EXTL2: variants seen among roughly 807,000 people sequenced by gnomAD.
EXTL2 encodes the protein exostosin like glycosyltransferase 2, also known as exostosin-like 2.
A neutral mutation model predicts 30.7 loss-of-function variants in EXTL2; 23 were observed. The observed-to-expected ratio is 0.75, with a 90% CI of 0.54 to 1.06. The LOEUF is 1.06. Among genes scored for constraint, EXTL2 ranks in the 50% least tolerant of loss-of-function variants. The pLI, the probability that EXTL2 is intolerant of heterozygous loss-of-function variation, is 0.00. For missense variants in EXTL2, 352 were observed against 396.3 expected (o/e 0.89, Z 0.95); for synonymous variants, 123 against 133.8 (o/e 0.92, Z 0.56).
At chr1:100,882,535 C>T (rs890450063) in intron 2 of EXTL2, among the ~76,000 whole-genome samples, 26 of 152,336 alleles carry the variant, frequency 1.7e-4, no homozygotes, top group Middle Eastern at 3.4e-3. Flanking sequence ...AAAACTGCCC[C>T]GGGAGGCCCA....
At chr1:100,878,511 G>C in intron 2 of EXTL2, 1 of 468,672 alleles carries the variant, frequency 2.1e-6, no homozygotes, top group Non-Finnish European at 4.4e-6. Context: ...GGAGATGATA[G>C]GGAGAAACAG....
chr1:100,881,287 T>C (rs1206297038), intron 2 of EXTL2, among the ~76,000 whole-genome samples: 1 of 152,208 alleles, frequency 6.6e-6, no homozygotes. Context: ...ACAGCTTCAG[T>C]ACAATTTGGA....
In EXTL2 at chr1:100,873,918, G is replaced by T; in HGVS notation, c.*24C>A. 1 of 1,535,096 alleles carries T rather than the reference G, an allele frequency of 6.5e-7. No homozygotes were observed. The highest frequency in any genetic ancestry group is 1.4e-5 in the African/African-American group (1 of 71,894). On this transcript the variant is annotated 3_prime_UTR_variant, in exon 5 of 5. Coordinates refer to ENST00000370114, the MANE Select transcript of EXTL2 (RefSeq NM_001033025.3). ...CTACTCAAATGCCAAGCAGTTTTCA[G>T]GTTTGTTTTTGTTTGTTTTACTTTT...
At chr1:100,876,055 A>G (rs1300974517) in intron 4 of EXTL2, among the ~76,000 whole-genome samples, 3 of 152,112 alleles carry the variant, frequency 2.0e-5, no homozygotes, top group African/African-American at 4.8e-5. Flanking sequence ...ATGCTGTTAT[A>G]TCCCAAGAAG....
intron 2 of EXTL2, among the ~76,000 whole-genome samples, chr1:100,880,747 T>G (rs951169954): frequency 5.3e-5 from 8 of 152,214 alleles, no homozygotes; most frequent in African/African-American, 1.9e-4. Context: ...TCACTTTGAC[T>G]AACTGCATTA....
chr1:100,875,394 C>T (rs191796078), intron 4 of EXTL2, among the ~76,000 whole-genome samples: 3 of 151,886 alleles, frequency 2.0e-5, no homozygotes, highest in African/African-American at 4.8e-5. Flanking sequence ...ATTCAATGGG[C>T]ACATTGAGGG....
chr1:100,876,146 G>A (rs1020192560), intron 4 of EXTL2, among the ~76,000 whole-genome samples: 1 of 152,008 alleles, frequency 6.6e-6, no homozygotes, highest in Non-Finnish European at 1.5e-5. Context: ...CGGCTTCGAA[G>A]TACTTCCATG....
At chr1:100,879,518 G>T (rs1476363258) in intron 2 of EXTL2, among the ~76,000 whole-genome samples, 3 of 152,126 alleles carry the variant, frequency 2.0e-5, no homozygotes, top group East Asian at 1.9e-4. Context: ...CTCTGAGAAA[G>T]AATAGATGAG....
intron 1 of EXTL2, among the ~76,000 whole-genome samples, chr1:100,891,248 G>A (rs915610927): frequency 6.6e-6 from 1 of 152,160 alleles, no homozygotes; most frequent in Non-Finnish European, 1.5e-5. Context: ...GGATTAGTAT[G>A]CTTCTGGTTG....
chr1:100,892,567 T>G (rs550746777), intron 1 of EXTL2, among the ~76,000 whole-genome samples: 148 of 152,294 alleles, frequency 9.7e-4, no homozygotes, highest in African/African-American at 3.5e-3. Context: ...TGTGATTGTT[T>G]GAGTCAGTTC....
At chr1:100,879,118 T>G (rs1649366132) in intron 2 of EXTL2, among the ~76,000 whole-genome samples, 1 of 152,132 alleles carries the variant, frequency 6.6e-6, no homozygotes, top group Non-Finnish European at 1.5e-5. Context: ...TCTCAGACAG[T>G]TTTATAGATG....
intron 2 of EXTL2, among the ~76,000 whole-genome samples, chr1:100,881,786 C>A (rs1373397058): frequency 6.6e-6 from 1 of 152,174 alleles, no homozygotes; most frequent in Non-Finnish European, 1.5e-5. Context: ...AGGTAGAGAA[C>A]ACATCCTTTT....
chr1:100,877,919 A>C lies in EXTL2; in HGVS notation c.6-16T>G. On this transcript the variant is annotated splice_polypyrimidine_tract_variant and intron_variant, in intron 2 of 4. Coordinates refer to ENST00000370114, the MANE Select transcript of EXTL2 (RefSeq NM_001033025.3). This position sits in a 1 kb window ranked among gnomAD's most constrained non-coding sequence, Gnocchi z 4.1. ...GTGGCAACACCTGGAGTAGAAATGG[A>C]AACAACATACAAATGTTAGCATTCT... 6.3e-7 allele frequency: 1 copy of C among 1,576,648 alleles called. No individual in the cohort carries two copies. Among genetic ancestry groups the C allele is most frequent in the Non-Finnish European group, 8.6e-7 (1 of 1,164,766 alleles).
intron 2 of EXTL2, among the ~76,000 whole-genome samples, chr1:100,879,611 G>T (rs529290613): frequency 6.6e-6 from 1 of 152,252 alleles, no homozygotes; most frequent in African/African-American, 2.4e-5. Flanking sequence ...TCTTGGCTAT[G>T]ATAAACAGTT....
chr1:100,878,969 A>G (rs1411251703), intron 2 of EXTL2, among the ~76,000 whole-genome samples: 1 of 152,128 alleles, frequency 6.6e-6, no homozygotes, highest in African/African-American at 2.4e-5. Context: ...GTACTCTCCC[A>G]TCTTCCTTAT....
chr1:100,874,391 G>A lies in EXTL2; in HGVS notation c.544C>T (p.His182Tyr), dbSNP rs779939389. ...TAGATACCTGATGAAGTAGAGACGT[G>A]CTTTCTAGGAACAAATCCTACAATT... ...DQIVGFVPRK[H>Y]VSTSSGIYSY... is the part of the protein sequence containing the mutation. Residue 182 changes from histidine (H) to tyrosine (Y), a missense_variant, in exon 5 of 5, where the codon CAC becomes TAC. Coordinates refer to ENST00000370114, the MANE Select transcript of EXTL2 (RefSeq NM_001033025.3). 3.7e-6 allele frequency: 6 copies of A among 1,605,886 alleles called. No individual in the cohort carries two copies. The East Asian group carries it at 6.7e-5, about 18-fold the overall frequency.
chr1:100,889,767 A>T (rs1270620594), intron 1 of EXTL2, among the ~76,000 whole-genome samples: 1 of 152,230 alleles, frequency 6.6e-6, no homozygotes, highest in African/African-American at 2.4e-5. Flanking sequence ...TGTGTCTCAC[A>T]TCTAGAACAT....
In EXTL2 at chr1:100,873,828, T is replaced by A; in HGVS notation, c.*114A>T. ...AGAAGCACTGCACTTTTTTTTCTATTGTAGAGACTTCTGGAGTAGATAAAA... is the reference window on the plus strand; with the variant it reads ...AGAAGCACTGCACTTTTTTTTCTATAGTAGAGACTTCTGGAGTAGATAAAA... On this transcript the variant is annotated 3_prime_UTR_variant, in exon 5 of 5. Coordinates refer to ENST00000370114, the MANE Select transcript of EXTL2 (RefSeq NM_001033025.3). The A allele has an allele frequency of 9.0e-7, 1 of 1,107,358 alleles. No individual in the cohort carries two copies. Among genetic ancestry groups the A allele is most frequent in the East Asian group, 2.5e-5 (1 of 39,854 alleles). The allele number at this position is 1,107,358 out of a possible 1,614,324, so 68.6% of individuals were successfully genotyped here.
Position 100,888,773 on chromosome 1 carries a change from T to C in EXTL2, c.-16A>G. The C allele has an allele frequency of 6.4e-7, 1 of 1,565,814 alleles. No homozygotes were observed. Among genetic ancestry groups the C allele is most frequent in the Non-Finnish European group, 8.7e-7 (1 of 1,145,526 alleles). On this transcript the variant is annotated 5_prime_UTR_variant, in exon 2 of 5. Transcript: ENST00000370114. ...CTTACCTCATTGTGTTGAAGTTTAA[T>C]TTTTAAAAAATCTCCTTATAGCTTC...
Sources: gnomAD v4.1 joint callset for allele counts (sites outside exome capture counted in the v4.1 genomes callset) on GRCh38, gnomAD v4.1.1 for gene constraint, Gnocchi (gnomAD v3.1) non-coding constraint, MANE v1.5 for transcripts, NCBI Gene and HGNC (gene_info 2026-07-23, HGNC 2026-07-21) for gene names.